The following CSNK2A2IP variants were observed in gnomAD, a reference collection of about 807,000 sequenced individuals.
The protein encoded by CSNK2A2IP is casein kinase II subunit alpha'-interacting protein.
At chr3:88,409,516 G>T in the CSNK2A2IP span, among the ~76,000 whole-genome samples, 1 of 151,970 alleles carries the variant, frequency 6.6e-6, no homozygotes, top group African/African-American at 2.4e-5. Context: ...AGGTACAGAA[G>T]AAAATTTTGC....
At chr3:88,402,447 A>C in the CSNK2A2IP span, among the ~76,000 whole-genome samples, 1 of 152,088 alleles carries the variant, frequency 6.6e-6, no homozygotes, top group Admixed American at 6.6e-5. Flanking sequence ...ATATGTGCAC[A>C]AGAAAATATG....
chr3:88,434,207 C>T, the CSNK2A2IP span, among the ~76,000 whole-genome samples: 1 of 152,064 alleles, frequency 6.6e-6, no homozygotes, highest in Non-Finnish European at 1.5e-5. Context: ...TTCGAGTGCA[C>T]TGTTTCCTGC....
the CSNK2A2IP span, among the ~76,000 whole-genome samples, chr3:88,350,263 T>C: frequency 2.6e-5 from 4 of 152,156 alleles, no homozygotes; most frequent in Non-Finnish European, 5.9e-5. Context: ...TTTCTTCTTT[T>C]TCATTTTTCC....
At chr3:88,429,698 T>G in the CSNK2A2IP span, among the ~76,000 whole-genome samples, 264 of 152,304 alleles carry the variant, frequency 1.7e-3, 5 homozygotes, top group East Asian at 0.04. Flanking sequence ...CTTGGTATTC[T>G]TCTAAATTGA....
the CSNK2A2IP span, among the ~76,000 whole-genome samples, chr3:88,367,247 G>C: frequency 6.6e-6 from 1 of 152,110 alleles, no homozygotes; most frequent in Non-Finnish European, 1.5e-5. Context: ...AAAGTGAAAA[G>C]AAGAGTCAAA....
the CSNK2A2IP span, among the ~76,000 whole-genome samples, chr3:88,464,474 T>C: frequency 1.3e-5 from 2 of 151,570 alleles, no homozygotes; most frequent in Non-Finnish European, 2.9e-5. Context: ...CAGTGAAGAC[T>C]TGGAAAAAAA....
chr3:88,435,989 G>A, the CSNK2A2IP span, among the ~76,000 whole-genome samples: 1 of 151,258 alleles, frequency 6.6e-6, no homozygotes, highest in South Asian at 2.1e-4. Flanking sequence ...CAGGAAAAGG[G>A]TAAAGAGAAA....
the CSNK2A2IP span, chr3:88,431,364 C>A: frequency 1.3e-5 from 2 of 152,252 alleles, no homozygotes; most frequent in African/African-American, 4.8e-5. Flanking sequence ...AATGGAAAAC[C>A]AAACATTGTA....
At chr3:88,431,114 T>TA in the CSNK2A2IP span, 2 of 152,170 alleles carry the variant, frequency 1.3e-5, no homozygotes, top group Non-Finnish European at 2.9e-5. Context: ...TCCTGGAATA[T>TA]AAAAAATTAA....
At chr3:88,440,688 T>G in the CSNK2A2IP span, among the ~76,000 whole-genome samples, 1 of 152,190 alleles carries the variant, frequency 6.6e-6, no homozygotes, top group Non-Finnish European at 1.5e-5. Context: ...CATGTAGAAA[T>G]TAAAGCTTTT....
chr3:88,452,588 C>T, the CSNK2A2IP span, among the ~76,000 whole-genome samples: 1 of 152,102 alleles, frequency 6.6e-6, no homozygotes, highest in Non-Finnish European at 1.5e-5. Flanking sequence ...ACTACAGTAA[C>T]ATGTCTGTAC....
the CSNK2A2IP span, among the ~76,000 whole-genome samples, chr3:88,410,242 G>A: frequency 2.0e-4 from 31 of 152,044 alleles, no homozygotes; most frequent in Non-Finnish European, 4.0e-4. Flanking sequence ...CCAAAGCTTA[G>A]AATATCCTGA....
the CSNK2A2IP span, among the ~76,000 whole-genome samples, chr3:88,448,273 G>A: frequency 6.6e-6 from 1 of 152,204 alleles, no homozygotes; most frequent in Non-Finnish European, 1.5e-5. Context: ...GAGGAACAAA[G>A]AGGCTTTATT....
chr3:88,388,859 T>C, the CSNK2A2IP span, among the ~76,000 whole-genome samples: 1 of 152,082 alleles, frequency 6.6e-6, no homozygotes, highest in Admixed American at 6.6e-5. Flanking sequence ...ATTAGATTAT[T>C]TCCACCTTCT....
At chr3:88,405,399 A>G in the CSNK2A2IP span, among the ~76,000 whole-genome samples, 1 of 152,124 alleles carries the variant, frequency 6.6e-6, no homozygotes, top group Non-Finnish European at 1.5e-5. Flanking sequence ...GCTACAGGAG[A>G]TCAGAGGAAG....
chr3:88,448,156 G>A, the CSNK2A2IP span, among the ~76,000 whole-genome samples: 1 of 152,184 alleles, frequency 6.6e-6, no homozygotes, highest in Admixed American at 6.6e-5. Flanking sequence ...AATTGGATAG[G>A]ATGGAAGCAG....
the CSNK2A2IP span, chr3:88,466,816 T>C: frequency 1.1e-6 from 1 of 899,084 alleles, no homozygotes; most frequent in African/African-American, 1.7e-5. Flanking sequence ...AAAATCTCCA[T>C]GTAACCATCT....
the CSNK2A2IP span, among the ~76,000 whole-genome samples, chr3:88,364,314 G>T: frequency 6.6e-6 from 1 of 151,900 alleles, no homozygotes; most frequent in Non-Finnish European, 1.5e-5. Flanking sequence ...AGGTGGGATG[G>T]TAAATCTAGT....
At chr3:88,341,784 A>G in the CSNK2A2IP span, among the ~76,000 whole-genome samples, 1 of 151,966 alleles carries the variant, frequency 6.6e-6, no homozygotes, top group South Asian at 2.1e-4. Flanking sequence ...GAGAATCTGA[A>G]GGGAATTCAT....
Sources: gnomAD v4.1 joint callset for allele counts (sites outside exome capture counted in the v4.1 genomes callset) on GRCh38, gnomAD v4.1.1 for gene constraint, MANE v1.5 for transcripts, NCBI Gene and HGNC (gene_info 2026-07-23, HGNC 2026-07-21) for gene names.